TTLL4: variants seen among roughly 807,000 people sequenced by gnomAD.
The protein encoded by TTLL4 is tubulin monoglutamylase TTLL4.
TTLL4 carries 85 observed loss-of-function variants against 122.7 expected under a neutral mutation model. The ratio of observed to expected loss-of-function variants is 0.69; its 90% CI spans 0.58 to 0.83. The LOEUF is 0.83. Ranked by LOEUF, TTLL4 falls within the 40% of genes least tolerant of loss-of-function variation. The pLI is 0.00. For synonymous variants in TTLL4, 553 were observed against 563.0 expected (o/e 0.98, Z 0.25); for missense variants, 1,363 against 1,488.6 (o/e 0.92, Z 1.39).
In TTLL4 at chr2:218,745,192, A is replaced by G. The variant is rs116763778; in HGVS notation, c.1745A>G (p.Asn582Ser). ...GCCCTCATCTACAGTCTCTTTCCCA[A>G]CGTTCCCCCTACCATCTATTTTGGC... ...RPALIYSLFP[N>S]VPPTIYFGTR... is the part of the protein sequence containing the mutation. The change falls in exon 6 of 20, where the codon AAC becomes AGC. Residue 582 changes from asparagine to serine, a missense_variant. By Grantham distance (46) the Asn-to-Ser change is conservative. Transcript: ENST00000392102. 72 of 1,613,890 alleles carry G rather than the reference A, an allele frequency of 4.5e-5. 1 individual carries two copies. The highest frequency in any genetic ancestry group is 3.8e-4 in the East Asian group (17 of 44,874).
chr2:218,747,216 G>A lies in TTLL4; in HGVS notation c.2166+22G>A. 6.2e-7 allele frequency: 1 copy of A among 1,614,148 alleles called. No homozygotes were observed. Among genetic ancestry groups the A allele is most frequent in the Non-Finnish European group, 8.5e-7 (1 of 1,180,004 alleles). The stretch of plus-strand genomic sequence containing the variant: ...GCCAGTGAGTGAATCACAGTGGGCA[G>A]GAGACTATGGTCTGTGAGTGGGAAC... On this transcript the variant is annotated intron_variant, in intron 9 of 19. Transcript: ENST00000392102. The surrounding 1 kb of genome is among the most constrained non-coding windows in gnomAD (Gnocchi z 4.7).
intron 2 of TTLL4, among the ~76,000 whole-genome samples, chr2:218,729,763 CA>C (rs1303308653): frequency 0.041 from 5,281 of 129,786 alleles, 313 homozygotes; most frequent in African/African-American, 0.14. Context: ...AAAAAAAAAA[CA>C]AAAAAAAAAA....
At position 218,751,825 on chromosome 2, in the gene TTLL4, C is replaced by T. The variant is rs769888516; in HGVS notation, c.2976+19C>T. 65 of 1,601,050 alleles carry T rather than the reference C, an allele frequency of 4.1e-5. No homozygotes were observed. Among genetic ancestry groups the T allele is most frequent in the Non-Finnish European group, 4.9e-5 (57 of 1,172,864 alleles). ...TGATCAGGTAGGAGATTGGTCTTCC[C>T]CCCAGTGCTAGCAGAAAACTTCCCT... On this transcript the variant is annotated intron_variant, in intron 16 of 19. Coordinates refer to ENST00000392102, the MANE Select transcript of TTLL4 (RefSeq NM_014640.5).
Position 218,747,983 on chromosome 2 carries a change from T to G in TTLL4, c.2379-122T>G. 7.3e-7 allele frequency: 1 copy of G among 1,372,364 alleles called. No homozygotes were observed. The highest frequency in any genetic ancestry group is 1.0e-6 in the Non-Finnish European group (1 of 988,920). 85.0% of individuals were successfully genotyped at this position (1,372,364 alleles called of 1,614,324 possible). A position where few individuals can be genotyped will look rare whatever the true frequency, so the allele number is the denominator to read the frequency against. On this transcript the variant is annotated intron_variant, in intron 11 of 19. Transcript: ENST00000392102. The surrounding 1 kb of genome is among the most constrained non-coding windows in gnomAD (Gnocchi z 4.7). ...CCAGTAGACACACTTCTCAGGCTCT[T>G]GTGGCTATGAAAAGATCTGTGTACT...
rs1292825162 is a variant in TTLL4 at position 218,737,857 on chromosome 2, G to A, written c.181G>A (p.Glu61Lys). The A allele has an allele frequency of 1.9e-6, 3 of 1,614,242 alleles. No individual in the cohort carries two copies. Among genetic ancestry groups the A allele is most frequent in the East Asian group, 2.2e-5 (1 of 44,874 alleles). ...CTGGAAGCTGGAAAAGAAGCAAGTG[G>A]AGACACTGTCAGCAGGGTTGGGCCC... ...PIWKLEKKQV[E>K]TLSAGLGPGL... Residue 61 changes from glutamate to lysine, a missense_variant, in exon 3 of 20, where the codon GAG becomes AAG. Coordinates refer to ENST00000392102, the MANE Select transcript of TTLL4 (RefSeq NM_014640.5).
rs922057553 is a variant in TTLL4, at chr2:218,747,591, A to G, written c.2250-6A>G. The G allele has an allele frequency of 6.8e-6, 11 of 1,613,852 alleles. No homozygotes were observed. The highest frequency in any genetic ancestry group is 1.3e-5 in the African/African-American group (1 of 74,862). On this transcript the variant is annotated splice_polypyrimidine_tract_variant and splice_region_variant and intron_variant, in intron 10 of 19. Transcript: ENST00000392102. This position sits in a 1 kb window ranked among gnomAD's most constrained non-coding sequence, Gnocchi z 4.7. ...TGTATGAGAAGCTGGCCTTTGTCCT[A>G]TGTAGGTATCTACACAAACCCTACC... is the stretch of plus-strand genomic sequence containing the variant.
intron 2 of TTLL4, among the ~76,000 whole-genome samples, chr2:218,728,487 G>T (rs1942259637): frequency 6.6e-6 from 1 of 152,186 alleles, no homozygotes; most frequent in South Asian, 2.1e-4. Context: ...AGGTGGTAAT[G>T]CTTACCTAAG....
At chr2:218,748,077 C>A (rs1433532654) in intron 11 of TTLL4, 28 bp from the exon 12 acceptor site, 1 of 1,613,932 alleles carries the variant, frequency 6.2e-7, no homozygotes, top group Non-Finnish European at 8.5e-7. Context: ...TACCATCTTA[C>A]CTCTGCCTTT....
At position 218,747,717 on chromosome 2, in the gene TTLL4, C is replaced by G; in HGVS notation, c.2370C>G (p.Ala790=). 1.2e-6 allele frequency: 2 copies of G among 1,614,160 alleles called. No homozygotes were observed. The highest frequency in any genetic ancestry group is 1.7e-6 in the Non-Finnish European group (2 of 1,180,024). Residue 790 remains alanine, a synonymous_variant, in exon 11 of 20, where the codon GCC becomes GCG. Transcript: ENST00000392102. The surrounding 1 kb of genome is among the most constrained non-coding windows in gnomAD (Gnocchi z 4.7). ...YLFSDGLVRF[A]SCKYSPSMKS... is the part of the protein sequence containing the mutation. ...TTTCAGATGGACTGGTCCGCTTTGC[C>G]AGTTGCAAGTATGTGACAGTGGTGA...
intron 1 of TTLL4, among the ~76,000 whole-genome samples, chr2:218,714,307 T>C (rs940264260): frequency 3.3e-5 from 5 of 152,350 alleles, no homozygotes; most frequent in African/African-American, 1.2e-4. Context: ...TGTCATTTGC[T>C]GAAAATCTGT....
downstream of TTLL4, among the ~76,000 whole-genome samples, chr2:218,757,145 G>T (rs539095475): frequency 3.9e-5 from 6 of 152,242 alleles, no homozygotes; most frequent in East Asian, 1.2e-3. Flanking sequence ...ACTTTGCATG[G>T]TCACACCTTC....
intron 1 of TTLL4, among the ~76,000 whole-genome samples, chr2:218,713,025 G>A (rs571699201): frequency 2.6e-5 from 4 of 152,196 alleles, no homozygotes; most frequent in South Asian, 4.1e-4. Flanking sequence ...TAAAACTTGC[G>A]TAAAATTTTT....
chr2:218,737,182 G>A (rs1318897953), intron 2 of TTLL4, among the ~76,000 whole-genome samples: 2 of 152,208 alleles, frequency 1.3e-5, no homozygotes, highest in Admixed American at 1.3e-4. Flanking sequence ...TCTCACTTCA[G>A]ATTTGCTTTA....
At position 218,747,145 on chromosome 2, in the gene TTLL4, T is replaced by C. The variant is rs1417479119; in HGVS notation, c.2117T>C (p.Leu706Pro). 6.2e-7 allele frequency: 1 copy of C among 1,614,230 alleles called. No homozygotes were observed. The highest frequency in any genetic ancestry group is 1.7e-5 in the Admixed American group (1 of 60,026). Residue 706 changes from leucine to proline, a missense_variant, in exon 9 of 20, where the codon CTG (leucine) becomes CCG (proline). By Grantham distance (98) the Leu-to-Pro change is moderately conservative. Transcript: ENST00000392102. The surrounding 1 kb of genome is among the most constrained non-coding windows in gnomAD (Gnocchi z 4.7). ...SFILPQDAKLLRKAWESSSRQ... is the reference protein window; with the variant it reads ...SFILPQDAKLPRKAWESSSRQ... ...ATCCTGCCCCAGGACGCCAAGCTCCTGCGCAAAGCGTGGGAGAGCAGCAGC... is the reference window on the plus strand; with the variant it reads ...ATCCTGCCCCAGGACGCCAAGCTCCCGCGCAAAGCGTGGGAGAGCAGCAGC...
rs752584033 is a variant in TTLL4 at position 218,745,727 on chromosome 2, G to T, written c.1823G>T (p.Arg608Leu). The T allele has an allele frequency of 5.0e-6, 8 of 1,612,952 alleles. No homozygotes were observed. The highest frequency in any genetic ancestry group is 1.3e-5 in the African/African-American group (1 of 74,708). ...KLPWEQRKLLRWKMSTVTPNI... is the reference protein window; with the variant it reads ...KLPWEQRKLLLWKMSTVTPNI... ...CCCTGGGAACAGAGGAAGTTGCTCC[G>T]ATGGAAGATGAGCACAGTGACCCCC... Residue 608 changes from arginine to leucine, a missense_variant, in exon 7 of 20, where the codon CGA becomes CTA. Around this residue, in one of 3 missense-constraint regions of TTLL4, gnomAD observed 760 missense variants for 808.4 expected, o/e 0.94. Transcript: ENST00000392102.
At chr2:218,720,703 A>G (rs1374789374) in intron 1 of TTLL4, among the ~76,000 whole-genome samples, 4 of 151,862 alleles carry the variant, frequency 2.6e-5, no homozygotes, top group African/African-American at 9.7e-5. Context: ...AAAGAAATAC[A>G]TAATTGGGGT....
chr2:218,733,368 GGC>G (rs1942431464), intron 2 of TTLL4, among the ~76,000 whole-genome samples: 1 of 152,150 alleles, frequency 6.6e-6, no homozygotes, highest in African/African-American at 2.4e-5. Flanking sequence ...AGGGGAAGCA[GGC>G]ACGTCTTCAC....
At chr2:218,746,271 G>T in intron 8 of TTLL4, 40 bp downstream of exon 8, 2 of 1,609,052 alleles carry the variant, frequency 1.2e-6, no homozygotes, top group South Asian at 1.1e-5. Context: ...CTGGACTTTG[G>T]ACTAGGCCAA....
At chr2:218,718,765 G>A (rs776349598) in intron 1 of TTLL4, among the ~76,000 whole-genome samples, 4 of 152,180 alleles carry the variant, frequency 2.6e-5, no homozygotes, top group Non-Finnish European at 5.9e-5. Flanking sequence ...AAAGATTGGA[G>A]GACAGAACTG....
Sources: gnomAD v4.1 joint callset for allele counts (sites outside exome capture counted in the v4.1 genomes callset) on GRCh38, gnomAD v4.1.1 for gene constraint, gnomAD v4.1.1 regional missense constraint, Gnocchi (gnomAD v3.1) non-coding constraint, MANE v1.5 for transcripts, NCBI Gene and HGNC (gene_info 2026-07-23, HGNC 2026-07-21) for gene names.